The following NUAK1 variants were observed in gnomAD, a reference collection of about 807,000 sequenced individuals.
NUAK1 encodes NUAK family kinase 1.
NUAK1 carries 26 observed loss-of-function variants against 56.9 expected under a neutral mutation model. The observed-to-expected ratio is 0.46, with a 90% CI of 0.33 to 0.63. NUAK1 has a LOEUF of 0.63. NUAK1 is among the 30% of genes least tolerant of loss of function. NUAK1 has a pLI of 0.02. For missense variants in NUAK1, 727 were observed against 876.1 expected (o/e 0.83, Z 2.15); for synonymous variants, 337 against 336.0 (o/e 1.00, Z -0.03).
chr12:106,089,816 C>T (rs1467502844), intron 2 of NUAK1, among the ~76,000 whole-genome samples: 1 of 152,104 alleles, frequency 6.6e-6, no homozygotes, highest in East Asian at 1.9e-4. Flanking sequence ...TATCGCAGAT[C>T]TGTCCACCTG....
chr12:106,084,021 T>A (rs1314583060), intron 3 of NUAK1, 92 bp from the exon 4 acceptor site: 3 of 1,080,148 alleles, frequency 2.8e-6, no homozygotes, highest in East Asian at 4.7e-5. Context: ...CAAAGGGAAA[T>A]GTCTGACAGA....
Position 106,135,986 on chromosome 12 carries a change from C to T in NUAK1, c.240+2428G>A, listed in dbSNP as rs1386546997. ...TTTCCACTTGACAATTCCTGTTTCTCACTAAAGTTCTTAACACCATCTGTG... is the reference window on the plus strand; with the variant it reads ...TTTCCACTTGACAATTCCTGTTTCTTACTAAAGTTCTTAACACCATCTGTG... On this transcript the variant is annotated intron_variant, in intron 1 of 6. Coordinates refer to ENST00000261402, the MANE Select transcript of NUAK1 (RefSeq NM_014840.3). Among the ~76,000 whole-genome samples the T allele has an allele frequency of 2.6e-5, 4 of 152,190 alleles. No individual in the cohort carries two copies. The East Asian group carries it at 7.7e-4, about 29-fold the overall frequency.
At chr12:106,125,837 T>A (rs1451587060) in intron 1 of NUAK1, among the ~76,000 whole-genome samples, 1 of 152,142 alleles carries the variant, frequency 6.6e-6, no homozygotes, top group Non-Finnish European at 1.5e-5. Flanking sequence ...AGCAAGCACA[T>A]CACTGCCCTG....
intron 4 of NUAK1, among the ~76,000 whole-genome samples, chr12:106,077,510 T>C (rs999592496): frequency 2.0e-5 from 3 of 152,226 alleles, no homozygotes; most frequent in African/African-American, 7.2e-5. Context: ...CAGGAGATCT[T>C]ACCACTCATT....
intron 1 of NUAK1, among the ~76,000 whole-genome samples, chr12:106,115,966 C>T (rs889584993): frequency 5.9e-5 from 9 of 152,188 alleles, no homozygotes; most frequent in East Asian, 1.9e-4. Flanking sequence ...TTAACATTTT[C>T]GGTTGACCAA....
chr12:106,126,690 A>G (rs114172936), intron 1 of NUAK1, among the ~76,000 whole-genome samples: 4,155 of 152,244 alleles, frequency 0.027, 203 homozygotes, highest in African/African-American at 0.095. Context: ...GACTGCAAAA[A>G]CAGCCCTTCC....
chr12:106,138,789 C>G lies in NUAK1; in HGVS notation c.-136G>C. 8.2e-7 allele frequency: 1 copy of G among 1,214,956 alleles called. No individual in the cohort carries two copies. The allele number at this position is 1,214,956 out of a possible 1,614,324, so 75.3% of individuals were successfully genotyped here. A position where few individuals can be genotyped will look rare whatever the true frequency, so the allele number is the denominator to read the frequency against. ...ATCAGGGAGGCGGCCCGATACCGCT[C>G]GGACTGCGGCTCGGTCACTGGCGGC... is the stretch of plus-strand genomic sequence containing the variant. On this transcript the variant is annotated 5_prime_UTR_variant, in exon 1 of 7. Coordinates refer to ENST00000261402, the MANE Select transcript of NUAK1 (RefSeq NM_014840.3). The surrounding 1 kb of genome is among the most constrained non-coding windows in gnomAD (Gnocchi z 5.0).
Position 106,086,843 on chromosome 12 carries a change from G to A in NUAK1, c.404C>T (p.Ala135Val), listed in dbSNP as rs1213000118. 2 of 1,614,038 alleles carry A rather than the reference G, an allele frequency of 1.2e-6. No individual in the cohort carries two copies. The highest frequency in any genetic ancestry group is 1.7e-6 in the Non-Finnish European group (2 of 1,179,946). The change falls in exon 3 of 7, where the codon GCC (alanine) becomes GTC (valine). Residue 135 changes from alanine (A) to valine (V), a missense_variant. Coordinates refer to ENST00000261402, the MANE Select transcript of NUAK1 (RefSeq NM_014840.3). ...KDKIVIIMEY[A>V]SKGELYDYIS... The stretch of plus-strand genomic sequence containing the variant: ...GTAATCGTACAGCTCCCCTTTGCTG[G>A]CATATTCCATGATGATCACAATCTT...
chr12:106,070,634 A>C, intron 6 of NUAK1, 140 bp downstream of exon 6: 1 of 1,152,384 alleles, frequency 8.7e-7, no homozygotes, highest in African/African-American at 1.5e-5. Flanking sequence ...AGTTTTGCCA[A>C]GGATGACACT....
At chr12:106,095,620 T>G (rs2032689645) in intron 2 of NUAK1, among the ~76,000 whole-genome samples, 1 of 152,196 alleles carries the variant, frequency 6.6e-6, no homozygotes, top group Non-Finnish European at 1.5e-5. Context: ...GCTGTTCCGA[T>G]TCAGCAGCAA....
intron 2 of NUAK1, among the ~76,000 whole-genome samples, chr12:106,094,408 C>A (rs1592853701): frequency 1.3e-5 from 2 of 152,216 alleles, no homozygotes; most frequent in South Asian, 4.1e-4. Context: ...TGTCTGCAAA[C>A]CAGTTGAGTC....
intron 1 of NUAK1, among the ~76,000 whole-genome samples, chr12:106,120,140 A>G (rs2032959548): frequency 6.6e-6 from 1 of 152,126 alleles, no homozygotes; most frequent in African/African-American, 2.4e-5. Flanking sequence ...ACACCGGTCC[A>G]CACAATGAGC....
chr12:106,122,623 G>T (rs985725007), intron 1 of NUAK1, among the ~76,000 whole-genome samples: 1 of 152,174 alleles, frequency 6.6e-6, no homozygotes, highest in Admixed American at 6.5e-5. Context: ...AGGTATAGAC[G>T]AGAGAAAATG....
At chr12:106,073,035 T>C (rs2032422164) in intron 4 of NUAK1, among the ~76,000 whole-genome samples, 192 bp from the exon 5 acceptor site, 2 of 152,218 alleles carry the variant, frequency 1.3e-5, no homozygotes, top group Admixed American at 6.5e-5. Flanking sequence ...CAGTGTTTCC[T>C]AGCTGCAGTC....
chr12:106,086,321 C>T (rs542755167), intron 3 of NUAK1, among the ~76,000 whole-genome samples: 1 of 152,004 alleles, frequency 6.6e-6, no homozygotes, highest in African/African-American at 2.4e-5. Context: ...CCGTGGTACC[C>T]TAGATTGGAT....
rs78258549 is a variant in NUAK1 at position 106,113,249 on chromosome 12, T to C, written c.241-6724A>G. ...GATTCACACTCCCTGTTGAGGTTTG[T>C]AAACATAAGATACAAACCGTGGCTG... On this transcript the variant is annotated intron_variant, in intron 1 of 6. Transcript: ENST00000261402. Among the ~76,000 whole-genome samples, 123 of 152,238 alleles carry C rather than the reference T, an allele frequency of 8.1e-4. 1 individual carries two copies. In the East Asian group the frequency reaches 0.015, roughly 19 times the overall value.
chr12:106,095,324 G>C (rs1362151536), intron 2 of NUAK1, among the ~76,000 whole-genome samples: 2 of 152,184 alleles, frequency 1.3e-5, no homozygotes, highest in East Asian at 3.9e-4. Context: ...GGCAGTGATG[G>C]GGGTAGAAAT....
At chr12:106,077,774 C>T (rs1055363891) in intron 4 of NUAK1, among the ~76,000 whole-genome samples, 24 of 152,170 alleles carry the variant, frequency 1.6e-4, no homozygotes, top group African/African-American at 5.3e-4. Context: ...TCACAAGAGC[C>T]CCAGTGTATA....
rs139974193 is a variant in NUAK1 at position 106,064,345 on chromosome 12, C to T, written c.*2457G>A. 9.9e-4 allele frequency: 151 copies of T among 152,316 alleles called. No individual in the cohort carries two copies. Among genetic ancestry groups the T allele is most frequent in the Non-Finnish European group, 1.9e-3 (126 of 68,036 alleles). The allele number at this position is 152,316 out of a possible 1,614,324, so 9.4% of individuals were successfully genotyped here. On this transcript the variant is annotated 3_prime_UTR_variant, in exon 7 of 7. Coordinates refer to ENST00000261402, the MANE Select transcript of NUAK1 (RefSeq NM_014840.3). ...GGGCTTCAGGTACCAGCTAATTCAT[C>T]CCTCCAGCCCTCACTGGAAGGAAAA...
Sources: allele counts gnomAD v4.1 joint callset (sites outside exome capture counted in the v4.1 genomes callset), GRCh38; gene constraint gnomAD v4.1.1; non-coding constraint Gnocchi (gnomAD v3.1); transcripts MANE v1.5; gene names NCBI Gene and HGNC (gene_info 2026-07-23, HGNC 2026-07-21).